ZBBX: variants seen among roughly 807,000 people sequenced by gnomAD.
The protein encoded by ZBBX is zinc finger B-box domain containing, also known as zinc finger B-box domain-containing protein 1.
A neutral mutation model predicts 108.5 loss-of-function variants in ZBBX; 101 were observed. The observed-to-expected ratio is 0.93, with a 90% CI of 0.79 to 1.10. The LOEUF (loss-of-function observed/expected upper bound fraction) is 1.10, where lower values mean the gene tolerates loss of function less well. Among genes scored for constraint, ZBBX ranks in the 50% least tolerant of loss-of-function variants. The pLI, the probability that ZBBX is intolerant of heterozygous loss-of-function variation, is 0.00. For synonymous variants in ZBBX, 356 were observed against 323.4 expected (o/e 1.10, Z -1.08); for missense variants, 1,009 against 941.4 (o/e 1.07, Z -0.94).
At chr3:167,183,345 A>G in the ZBBX span, among the ~76,000 whole-genome samples, 4 of 152,216 alleles carry the variant, frequency 2.6e-5, no homozygotes, top group African/African-American at 7.2e-5. Flanking sequence ...GGTGTCCTCC[A>G]GCATAGTTCC....
At chr3:167,333,765 T>C in intron 10 of ZBBX, 62 bp downstream of exon 10, 3 of 1,381,246 alleles carry the variant, frequency 2.2e-6, no homozygotes, top group Non-Finnish European at 2.9e-6. Context: ...GTTAAGTACA[T>C]GAATGGCACC....
the ZBBX span, among the ~76,000 whole-genome samples, chr3:167,233,195 C>T: frequency 6.6e-6 from 1 of 151,834 alleles, no homozygotes; most frequent in Non-Finnish European, 1.5e-5. Flanking sequence ...ATCCTTCTCT[C>T]TTCCCCTTTC....
chr3:167,360,749 TGTCAGG>T, intron 6 of ZBBX, 26 bp from the exon 7 acceptor site: 1 of 1,353,266 alleles, frequency 7.4e-7, no homozygotes, highest in Non-Finnish European at 9.8e-7. Flanking sequence ...AGATACTATT[TGTCAGG>T]TATATATTAT....
At chr3:167,236,048 A>C (rs971040642), downstream of ZBBX, among the ~76,000 whole-genome samples, 1 of 151,794 alleles carries the variant, frequency 6.6e-6, no homozygotes, top group Non-Finnish European at 1.5e-5. Context: ...CATAAATAGT[A>C]TATACGTTTT....
chr3:167,203,195 G>C, the ZBBX span, among the ~76,000 whole-genome samples: 2 of 152,030 alleles, frequency 1.3e-5, no homozygotes, highest in Non-Finnish European at 2.9e-5. Flanking sequence ...TTTGTCTTTG[G>C]TTTGCATGTG....
At chr3:167,287,156 A>G (rs1206774688) in intron 19 of ZBBX, among the ~76,000 whole-genome samples, 1 of 152,160 alleles carries the variant, frequency 6.6e-6, no homozygotes, top group Non-Finnish European at 1.5e-5. Context: ...TATAGCTGAT[A>G]GGACATATTA....
intron 9 of ZBBX, among the ~76,000 whole-genome samples, chr3:167,348,336 G>GA (rs1294524208): frequency 1.0e-5 from 1 of 96,710 alleles, no homozygotes; most frequent in Non-Finnish European, 2.0e-5. Context: ...AAGAAAGAAA[G>GA]AAAGAAAGAA....
At chr3:167,187,479 A>T in the ZBBX span, among the ~76,000 whole-genome samples, 1 of 152,172 alleles carries the variant, frequency 6.6e-6, no homozygotes, top group Non-Finnish European at 1.5e-5. Context: ...GCAAGTAGAG[A>T]AGTGGTAATT....
the ZBBX span, among the ~76,000 whole-genome samples, chr3:167,214,324 G>T: frequency 6.6e-6 from 1 of 151,952 alleles, no homozygotes; most frequent in Non-Finnish European, 1.5e-5. Context: ...ATGGAAAACA[G>T]AAAAAAGCAG....
intron 5 of ZBBX, 47 bp downstream of exon 5, chr3:167,368,414 A>T: frequency 7.6e-7 from 1 of 1,318,440 alleles, no homozygotes; most frequent in Non-Finnish European, 1.1e-6. Flanking sequence ...ATAGTTCTTT[A>T]TATAATTTAG....
chr3:167,364,937 C>T (rs1043579570), intron 6 of ZBBX, among the ~76,000 whole-genome samples: 3 of 151,638 alleles, frequency 2.0e-5, no homozygotes, highest in Non-Finnish European at 3.0e-5. Flanking sequence ...TGTTTGACTT[C>T]CTCCTCTCCT....
intron 11 of ZBBX, among the ~76,000 whole-genome samples, chr3:167,325,587 T>A (rs938827665): frequency 5.9e-5 from 9 of 152,106 alleles, no homozygotes; most frequent in African/African-American, 2.2e-4. Flanking sequence ...GCATTGCACT[T>A]CTTCATCCAA....
At chr3:167,214,804 C>A in the ZBBX span, among the ~76,000 whole-genome samples, 1 of 151,974 alleles carries the variant, frequency 6.6e-6, no homozygotes, top group African/African-American at 2.4e-5. Flanking sequence ...CAGACCAGTG[C>A]AATAAAAATA....
intron 10 of ZBBX, among the ~76,000 whole-genome samples, chr3:167,330,961 C>CTCTCTCTCTCTCTCTCTCTCTG: frequency 7.7e-6 from 1 of 130,264 alleles, no homozygotes; most frequent in South Asian, 2.5e-4. Context: ...CTCTCTCTCT[C>CTCTCTCTCTCTCTCTCTCTCTG]TCTCCCCCAC....
At chr3:167,395,046 C>T (rs1748186886) in intron 1 of ZBBX, among the ~76,000 whole-genome samples, 3 of 152,002 alleles carry the variant, frequency 2.0e-5, no homozygotes, top group Admixed American at 6.6e-5. Context: ...CCAATTAACT[C>T]TAATACACTT....
the ZBBX span, among the ~76,000 whole-genome samples, chr3:167,195,075 T>C: frequency 6.6e-6 from 1 of 152,186 alleles, no homozygotes; most frequent in East Asian, 1.9e-4. Flanking sequence ...ATATCTCTCT[T>C]AGCAACCAGA....
intron 20 of ZBBX, chr3:167,252,101 T>A: frequency 7.9e-7 from 1 of 1,265,758 alleles, no homozygotes; most frequent in South Asian, 1.3e-5. Flanking sequence ...CCACAGCAAT[T>A]TGAATCAAAG....
At chr3:167,295,886 T>A (rs1283700889) in intron 18 of ZBBX, among the ~76,000 whole-genome samples, 3 of 150,694 alleles carry the variant, frequency 2.0e-5, no homozygotes, top group Non-Finnish European at 4.4e-5. Context: ...CCTCAAACTT[T>A]TCCAAAAGAT....
chr3:167,348,304 G>GAGAAAGAAAGAGAAAGAA (rs1741906855), intron 9 of ZBBX, among the ~76,000 whole-genome samples: 1 of 58,976 alleles, frequency 1.7e-5, no homozygotes, highest in African/African-American at 8.1e-5. Flanking sequence ...AGAAGAAAGA[G>GAGAAAGAAAGAGAAAGAA]AGAAAGAAAG....
Sources: gnomAD v4.1 joint callset for allele counts (sites outside exome capture counted in the v4.1 genomes callset) on GRCh38, gnomAD v4.1.1 for gene constraint, MANE v1.5 for transcripts, NCBI Gene and HGNC (gene_info 2026-07-23, HGNC 2026-07-21) for gene names.